POLQ: variants seen among roughly 807,000 people sequenced by gnomAD.
POLQ encodes the protein epididymis secretory sperm binding protein.
In POLQ, 233 loss-of-function variants were observed where a neutral mutation model predicts 259.2. The observed-to-expected ratio is 0.90, with a 90% CI of 0.81 to 1.00. The LOEUF is 1.00. Among genes scored for constraint, POLQ ranks in the 50% least tolerant of loss-of-function variants. POLQ has a pLI of 0.00. For synonymous variants in POLQ, 1,025 were observed against 1,048.8 expected, an observed-to-expected ratio of 0.98 and a Z score of 0.44; for missense variants, 2,871 against 3,051.6, an observed-to-expected ratio of 0.94 and a Z score of 1.39.
chr3:121,510,201 T>C lies in POLQ; in HGVS notation c.1654A>G (p.Thr552Ala), dbSNP rs2048243137. The C allele has an allele frequency of 6.2e-7, 1 of 1,613,502 alleles. No individual in the cohort carries two copies. Among genetic ancestry groups the C allele is most frequent in the African/African-American group, 1.3e-5 (1 of 74,920 alleles). The stretch of plus-strand genomic sequence containing the variant: ...GCCAAAAATGTGCAGGCAGCATAAG[T>C]ATGCATATCTTGTGATGTACTTGCC... ...GVASTSQDMH[T>A]YAACTFLAAS... Residue 552 changes from threonine to alanine, a missense_variant, in exon 11 of 30, where the codon ACT (threonine) becomes GCT (alanine). Around this residue, in one of 3 missense-constraint regions of POLQ, gnomAD observed 783 missense variants for 906.2 expected, o/e 0.86. Transcript: ENST00000264233.
chr3:121,442,291 G>C (rs2047599461), intron 26 of POLQ, among the ~76,000 whole-genome samples: 1 of 152,144 alleles, frequency 6.6e-6, no homozygotes, highest in South Asian at 2.1e-4. Context: ...TATCATTTGT[G>C]TTGCAAACAT....
Position 121,467,528 on chromosome 3 carries a change from G to A in POLQ, c.6958C>T (p.Pro2320Ser). The part of the protein sequence containing the change: ...FSISMRHAFV[P>S]FPGGSILAAD... ...CTATCAGCCACCTTACCTGGGAAAG[G>A]CACAAAGGCATGTCGCATGCTAATT... Residue 2320 changes from proline to serine, a missense_variant, in exon 24 of 30, where the codon CCT becomes TCT. This residue lies in a region of POLQ where 2,080 missense variants were observed against 2,126.0 expected (regional missense o/e 0.98). Coordinates refer to ENST00000264233, the MANE Select transcript of POLQ (RefSeq NM_199420.4). 6.2e-7 allele frequency: 1 copy of A among 1,613,650 alleles called. No homozygotes were observed. Among genetic ancestry groups the A allele is most frequent in the Non-Finnish European group, 8.5e-7 (1 of 1,179,692 alleles).
At chr3:121,543,184 C>A (rs1002630708) in intron 2 of POLQ, among the ~76,000 whole-genome samples, 5 of 152,174 alleles carry the variant, frequency 3.3e-5, no homozygotes, top group African/African-American at 1.2e-4. Context: ...ATTGTATAAG[C>A]TGGTGACCAG....
In POLQ at chr3:121,488,176, T is replaced by A. The variant is rs1286742519; in HGVS notation, c.4755A>T (p.Val1585=). The A allele has an allele frequency of 6.2e-7, 1 of 1,613,534 alleles. No homozygotes were observed. Among genetic ancestry groups the A allele is most frequent in the Admixed American group, 1.7e-5 (1 of 60,016 alleles). ...TTAGTTCTAATGCTCTAGGAGATAC[T>A]ACAGTATGATTCTTCTCTTGGACAG... ...IFPVQEKNHT[V]VSPRALELSD... is the part of the protein sequence containing the mutation. The change falls in exon 16 of 30, where the codon GTA becomes GTT. Residue 1585 remains valine (V), a synonymous_variant. Coordinates refer to ENST00000264233, the MANE Select transcript of POLQ (RefSeq NM_199420.4).
chr3:121,473,280 TC>T, intron 21 of POLQ, 69 bp downstream of exon 21: 1 of 1,321,172 alleles, frequency 7.6e-7, no homozygotes, highest in East Asian at 2.5e-5. Flanking sequence ...TCATCAGCAT[TC>T]TTTCTAGACA....
chr3:121,501,638 G>A (rs1355189080), intron 12 of POLQ, among the ~76,000 whole-genome samples: 1 of 135,300 alleles, frequency 7.4e-6, no homozygotes, highest in East Asian at 2.1e-4. Flanking sequence ...CTCCAGCCTG[G>A]GCGACAGAGC....
At chr3:121,507,995 C>T (rs71329222) in intron 12 of POLQ, among the ~76,000 whole-genome samples, 9,617 of 149,342 alleles carry the variant, frequency 0.064, 432 homozygotes, top group Non-Finnish European at 0.095. Flanking sequence ...CTGGGATTAC[C>T]GGCATGCACC....
Position 121,483,533 on chromosome 3 carries a change from C to G in POLQ, c.5823G>C (p.Leu1941Phe), listed in dbSNP as rs2047987124. The G allele has an allele frequency of 1.9e-6, 3 of 1,585,550 alleles. No homozygotes were observed. Among genetic ancestry groups the G allele is most frequent in the Non-Finnish European group, 2.6e-6 (3 of 1,168,972 alleles). The change falls in exon 18 of 30, where the codon TTG (leucine) becomes TTC (phenylalanine). Residue 1941 changes from leucine (L) to phenylalanine (F), a missense_variant. Around this residue, in one of 3 missense-constraint regions of POLQ, gnomAD observed 2,080 missense variants for 2,126.0 expected, o/e 0.98. Transcript: ENST00000264233. The part of the protein sequence containing the change: ...VPPSLDPSLT[L>F]KDRMWYLQSC... Reference sequence around the variant, plus strand: ...ATTGAAGGTACCACATCCTGTCTTTCAAAGTCAGGCTTGGATCTAAAGAAG... The same window carrying G: ...ATTGAAGGTACCACATCCTGTCTTTGAAAGTCAGGCTTGGATCTAAAGAAG...
chr3:121,452,399 T>G (rs150111900), intron 25 of POLQ, among the ~76,000 whole-genome samples: 1,907 of 152,274 alleles, frequency 0.013, 36 homozygotes, highest in African/African-American at 0.044. Flanking sequence ...CTGTTCCAAT[T>G]CGGCCATCTT....
intron 26 of POLQ, among the ~76,000 whole-genome samples, chr3:121,442,594 C>T (rs1352055866): frequency 6.6e-6 from 1 of 152,164 alleles, no homozygotes; most frequent in Non-Finnish European, 1.5e-5. Flanking sequence ...ACCTCCAGTT[C>T]CATCCCTGTT....
intron 16 of POLQ, among the ~76,000 whole-genome samples, chr3:121,485,478 A>T (rs1268812057): frequency 6.6e-6 from 1 of 152,198 alleles, no homozygotes; most frequent in African/African-American, 2.4e-5. Flanking sequence ...AAAAATACAG[A>T]TCATTTGCAT....
intron 20 of POLQ, among the ~76,000 whole-genome samples, chr3:121,474,986 A>G (rs899461817): frequency 6.6e-6 from 1 of 152,214 alleles, no homozygotes; most frequent in Non-Finnish European, 1.5e-5. Flanking sequence ...CATATTGATC[A>G]CCACACTTAG....
rs150945234 is a variant in POLQ at position 121,464,501 on chromosome 3, T to A, written c.6967+3018A>T. ...TGAAAATATTAAAAATTTTTAAAAATGCTCTGATGTTGATGAATTTAGAGT... is the reference window on the plus strand; with the variant it reads ...TGAAAATATTAAAAATTTTTAAAAAAGCTCTGATGTTGATGAATTTAGAGT... On this transcript the variant is annotated intron_variant, in intron 24 of 29. Coordinates refer to ENST00000264233, the MANE Select transcript of POLQ (RefSeq NM_199420.4). Among the ~76,000 whole-genome samples, 261 of 152,362 alleles carry A rather than the reference T, an allele frequency of 1.7e-3. 1 individual carries two copies. The highest frequency in any genetic ancestry group is 5.5e-3 in the African/African-American group (227 of 41,584).
intron 24 of POLQ, among the ~76,000 whole-genome samples, chr3:121,461,101 C>T (rs1264596374): frequency 1.3e-5 from 2 of 152,100 alleles, no homozygotes; most frequent in Non-Finnish European, 2.9e-5. Flanking sequence ...TTTTCTTCAC[C>T]TGTATTGCAA....
chr3:121,435,728 C>T (rs1225361563), intron 28 of POLQ, among the ~76,000 whole-genome samples: 1 of 152,168 alleles, frequency 6.6e-6, no homozygotes, highest in African/African-American at 2.4e-5. Context: ...GAAGCAGATA[C>T]AAACAGCCAG....
intron 25 of POLQ, among the ~76,000 whole-genome samples, chr3:121,455,839 A>G (rs2047731338): frequency 6.6e-6 from 1 of 152,234 alleles, no homozygotes; most frequent in African/African-American, 2.4e-5. Context: ...TTCTGAAGCT[A>G]TTCCAATCAA....
At chr3:121,459,768 T>C (rs1214556722) in intron 25 of POLQ, among the ~76,000 whole-genome samples, 1 of 152,104 alleles carries the variant, frequency 6.6e-6, no homozygotes, top group Non-Finnish European at 1.5e-5. Context: ...CACCATGACA[T>C]CTAGTGAGTA....
chr3:121,511,044 G>A (rs998862054), intron 10 of POLQ, among the ~76,000 whole-genome samples: 17 of 152,042 alleles, frequency 1.1e-4, no homozygotes, highest in African/African-American at 3.6e-4. Context: ...TGGCTAACAC[G>A]GTGAAACCCC....
At chr3:121,499,151 T>C (rs1172701246) in intron 12 of POLQ, among the ~76,000 whole-genome samples, 1 of 152,052 alleles carries the variant, frequency 6.6e-6, no homozygotes, top group Non-Finnish European at 1.5e-5. Context: ...CAAAAATGTC[T>C]AACTGTGATA....
Sources: gnomAD v4.1 joint callset for allele counts (sites outside exome capture counted in the v4.1 genomes callset) on GRCh38, gnomAD v4.1.1 for gene constraint, gnomAD v4.1.1 regional missense constraint, MANE v1.5 for transcripts, NCBI Gene and HGNC (gene_info 2026-07-23, HGNC 2026-07-21) for gene names.